Variants in PTPRC observed in about 807,000 individuals in gnomAD.
PTPRC encodes the protein protein tyrosine phosphatase receptor type C.
Under a neutral mutation model 155.9 loss-of-function variants are expected in PTPRC, and 44 were observed. The ratio of observed to expected loss-of-function variants is 0.28; its 90% CI spans 0.22 to 0.36. PTPRC has a LOEUF of 0.36. Among genes scored for constraint, PTPRC ranks in the 10% least tolerant of loss-of-function variants. PTPRC has a pLI of 1.00. For synonymous variants in PTPRC, 525 were observed against 533.1 expected (o/e 0.98, Z 0.21); for missense variants, 1,401 against 1,564.6 (o/e 0.90, Z 1.76).
At chr1:198,689,194 G>T (rs1044853784) in intron 2 of PTPRC, among the ~76,000 whole-genome samples, 2 of 151,888 alleles carry the variant, frequency 1.3e-5, no homozygotes, top group Non-Finnish European at 1.5e-5. Flanking sequence ...TTTAAAAAAC[G>T]TATTGCCTTT....
chr1:198,669,665 C>A (rs1664534266), intron 2 of PTPRC, among the ~76,000 whole-genome samples: 2 of 152,194 alleles, frequency 1.3e-5, no homozygotes, highest in South Asian at 4.1e-4. Context: ...TAATCCAGAC[C>A]TCCTGCCAGC....
chr1:198,712,376 C>T (rs1183425933), intron 11 of PTPRC, among the ~76,000 whole-genome samples: 3 of 152,274 alleles, frequency 2.0e-5, no homozygotes, highest in African/African-American at 4.8e-5. Flanking sequence ...CACAGAAGGA[C>T]ATTTTGGGAT....
Position 198,742,059 on chromosome 1 carries a change from A to T in PTPRC, c.2561+33A>T, listed in dbSNP as rs748403322. ...AAACGAACAAAAAAAAAAAACAACAACAAAAAAACTCCAACAGAATCCACC... is the reference window on the plus strand; with the variant it reads ...AAACGAACAAAAAAAAAAAACAACATCAAAAAAACTCCAACAGAATCCACC... On this transcript the variant is annotated intron_variant, in intron 24 of 32. Transcript: ENST00000442510. 2.0e-5 allele frequency: 32 copies of T among 1,608,162 alleles called. No individual in the cohort carries two copies. In the Admixed American group the frequency reaches 4.4e-4, roughly 22 times the overall value.
chr1:198,701,066 TA>T (rs1218613631), intron 5 of PTPRC, among the ~76,000 whole-genome samples: 1 of 152,170 alleles, frequency 6.6e-6, no homozygotes, highest in Non-Finnish European at 1.5e-5. Flanking sequence ...AAAGGATGAA[TA>T]AATGAGCTTT....
intron 2 of PTPRC, among the ~76,000 whole-genome samples, chr1:198,688,369 T>G (rs1032184224): frequency 6.6e-6 from 1 of 152,114 alleles, no homozygotes; most frequent in African/African-American, 2.4e-5. Flanking sequence ...ATGAAAAGAT[T>G]CGAGGAAATT....
intron 8 of PTPRC, among the ~76,000 whole-genome samples, chr1:198,705,438 T>C (rs1205751281): frequency 6.6e-6 from 1 of 151,178 alleles, no homozygotes; most frequent in Non-Finnish European, 1.5e-5. Context: ...CTTTCTTTTT[T>C]TTTTTTTTTT....
chr1:198,642,397 TATCA>T (rs1257580883), intron 2 of PTPRC, among the ~76,000 whole-genome samples: 4 of 151,896 alleles, frequency 2.6e-5, no homozygotes, highest in African/African-American at 9.7e-5. Context: ...TCTATCTATC[TATCA>T]GTTCTCCATG....
chr1:198,741,205 G>A (rs1010248449), intron 23 of PTPRC, among the ~76,000 whole-genome samples: 13 of 151,792 alleles, frequency 8.6e-5, no homozygotes, highest in African/African-American at 3.1e-4. Flanking sequence ...AATGTAGATG[G>A]TTCTTTATAC....
intron 25 of PTPRC, among the ~76,000 whole-genome samples, chr1:198,743,369 T>C (rs934417531): frequency 1.3e-5 from 2 of 151,792 alleles, no homozygotes; most frequent in Non-Finnish European, 2.9e-5. Context: ...GATAGCAGTG[T>C]AGAAACATAA....
At chr1:198,678,618 C>T (rs190250974) in intron 2 of PTPRC, among the ~76,000 whole-genome samples, 1 of 152,138 alleles carries the variant, frequency 6.6e-6, no homozygotes, top group Non-Finnish European at 1.5e-5. Context: ...TGAGATGCAC[C>T]GTGTTGGGGT....
intron 16 of PTPRC, 70 bp downstream of exon 16, chr1:198,728,518 A>G: frequency 6.4e-7 from 1 of 1,559,728 alleles, no homozygotes; most frequent in East Asian, 2.3e-5. Context: ...TCCATATGGC[A>G]GTGATGGAAC....
intron 2 of PTPRC, among the ~76,000 whole-genome samples, chr1:198,654,770 T>C (rs540002445): frequency 6.6e-6 from 1 of 152,000 alleles, no homozygotes; most frequent in African/African-American, 2.4e-5. Context: ...TAAATATGTA[T>C]AACCATAATA....
intron 2 of PTPRC, among the ~76,000 whole-genome samples, chr1:198,639,689 A>G (rs1198481988): frequency 6.6e-6 from 1 of 152,198 alleles, no homozygotes; most frequent in East Asian, 1.9e-4. Flanking sequence ...GAATTTTTTA[A>G]TGATAAAATA....
intron 2 of PTPRC, among the ~76,000 whole-genome samples, chr1:198,644,385 T>C (rs1016747546): frequency 6.6e-6 from 1 of 151,912 alleles, no homozygotes; most frequent in Non-Finnish European, 1.5e-5. Flanking sequence ...TATGATTTGA[T>C]GCCTATTTCT....
chr1:198,665,270 T>G (rs1314133869), intron 2 of PTPRC, among the ~76,000 whole-genome samples: 1 of 151,506 alleles, frequency 6.6e-6, no homozygotes. Context: ...TTCTTTTTTT[T>G]TTTTTGTATT....
chr1:198,752,807 CATA>C (rs1356461960), intron 31 of PTPRC, 35 bp downstream of exon 31: 1 of 1,597,484 alleles, frequency 6.3e-7, no homozygotes, highest in South Asian at 1.1e-5. Context: ...CTCTCAAAAT[CATA>C]ATGCTTGACT....
Position 198,756,349 on chromosome 1 carries a change from G to A in PTPRC, c.*168G>A, listed in dbSNP as rs1331273491. 1.6e-5 allele frequency: 15 copies of A among 932,908 alleles called. No individual in the cohort carries two copies. The highest frequency in any genetic ancestry group is 2.4e-5 in the Non-Finnish European group (15 of 631,492). 57.8% of individuals were successfully genotyped at this position (932,908 alleles called of 1,614,324 possible). A position where few individuals can be genotyped will look rare whatever the true frequency, so the allele number is the denominator to read the frequency against. On this transcript the variant is annotated 3_prime_UTR_variant, in exon 33 of 33. Transcript: ENST00000442510. ...GTGGAAAAATATTTAAGATAGTTTT[G>A]CCAGAACAGTTTGTACAGACGTATG...
intron 14 of PTPRC, 68 bp from the exon 15 acceptor site, chr1:198,722,348 T>A (rs1653931108): frequency 1.5e-6 from 1 of 666,744 alleles, no homozygotes; most frequent in East Asian, 4.6e-5. Flanking sequence ...TTGTGATATA[T>A]AATATATATA....
chr1:198,709,156 T>TA (rs1266986504), intron 10 of PTPRC, among the ~76,000 whole-genome samples: 2 of 152,224 alleles, frequency 1.3e-5, no homozygotes, highest in African/African-American at 4.8e-5. Context: ...TGGGCATCCC[T>TA]AATCTGAAAA....
Sources: allele counts gnomAD v4.1 joint callset (sites outside exome capture counted in the v4.1 genomes callset), GRCh38; gene constraint gnomAD v4.1.1; transcripts MANE v1.5; gene names NCBI Gene and HGNC (gene_info 2026-07-23, HGNC 2026-07-21).